Variants in FER observed in about 807,000 individuals in gnomAD.
FER encodes the protein FER tyrosine kinase.
Under a neutral mutation model 111.0 loss-of-function variants are expected in FER, and 63 were observed. That is an observed-to-expected ratio of 0.57 (90% confidence interval 0.46 to 0.70). The LOEUF (loss-of-function observed/expected upper bound fraction) is 0.70, where lower values mean the gene tolerates loss of function less well. Among genes scored for constraint, FER ranks in the 30% least tolerant of loss-of-function variants. FER has a pLI of 0.00. For missense variants in FER, 914 were observed against 954.0 expected, an observed-to-expected ratio of 0.96 and a Z score of 0.55; for synonymous variants, 327 against 313.9, an observed-to-expected ratio of 1.04 and a Z score of -0.44.
At chr5:108,879,659 G>A (rs1327897995) in intron 8 of FER, among the ~76,000 whole-genome samples, 1 of 133,448 alleles carries the variant, frequency 7.5e-6, no homozygotes, top group Non-Finnish European at 1.6e-5. Flanking sequence ...GTAAGAAAGA[G>A]TAAATACTTT....
At chr5:108,965,552 GATT>G in intron 13 of FER, among the ~76,000 whole-genome samples, 1 of 152,126 alleles carries the variant, frequency 6.6e-6, no homozygotes, top group East Asian at 1.9e-4. Flanking sequence ...CTGTGAATTT[GATT>G]ATTAATATTA....
At chr5:108,803,849 A>G (rs1169523857) in intron 3 of FER, among the ~76,000 whole-genome samples, 8 of 152,064 alleles carry the variant, frequency 5.3e-5, no homozygotes, top group Admixed American at 5.2e-4. Flanking sequence ...ATTTTATTAT[A>G]GTTTTTTCCC....
chr5:108,862,059 C>G (rs1763575734), intron 5 of FER, among the ~76,000 whole-genome samples: 1 of 152,076 alleles, frequency 6.6e-6, no homozygotes, highest in Non-Finnish European at 1.5e-5. Flanking sequence ...TGGAGTACTC[C>G]TCCCCAAAAT....
rs4365877 is a variant in FER at position 109,188,915 on chromosome 5, G to A, written c.*1340G>A. The A allele has an allele frequency of 0.52, 78,474 of 149,962 alleles. 20,432 individuals are homozygous for A. Among genetic ancestry groups the A allele is most frequent in the Middle Eastern group, 0.6 (168 of 280 alleles). 9.3% of individuals were successfully genotyped at this position (149,962 alleles called of 1,614,324 possible). ...CCAACACATTCACGTGTGTACATGC[G>A]CGTGCACACACACCACCAAGGTGCA... is the stretch of plus-strand genomic sequence containing the variant. On this transcript the variant is annotated 3_prime_UTR_variant, in exon 20 of 20. Transcript: ENST00000281092.
intron 8 of FER, among the ~76,000 whole-genome samples, chr5:108,882,798 A>G (rs1023367860): frequency 2.0e-5 from 3 of 151,828 alleles, no homozygotes; most frequent in South Asian, 2.1e-4. Flanking sequence ...TTAAGGACTC[A>G]ATGCATTTTA....
intron 13 of FER, among the ~76,000 whole-genome samples, chr5:108,961,831 CTT>C (rs1231481450): frequency 2.0e-5 from 3 of 152,066 alleles, no homozygotes; most frequent in African/African-American, 7.2e-5. Flanking sequence ...TATTTGTACT[CTT>C]ATAACTGAAT....
chr5:108,902,593 T>A (rs1457420548), intron 10 of FER, among the ~76,000 whole-genome samples: 1 of 152,198 alleles, frequency 6.6e-6, no homozygotes, highest in Non-Finnish European at 1.5e-5. Context: ...CAATTCCCTT[T>A]CAAGGAGCCT....
chr5:109,052,589 G>A (rs903883506), intron 16 of FER: 5 of 584,010 alleles, frequency 8.6e-6, no homozygotes, highest in South Asian at 2.2e-5. Context: ...TTAAAACTCC[G>A]CTGCTGTTTG....
intron 18 of FER, among the ~76,000 whole-genome samples, chr5:109,181,129 T>C (rs1365984488): frequency 6.6e-6 from 1 of 152,216 alleles, no homozygotes; most frequent in Non-Finnish European, 1.5e-5. Context: ...TAAATATGAC[T>C]ATACATCTGA....
At chr5:109,165,759 C>T (rs1756491498) in intron 17 of FER, among the ~76,000 whole-genome samples, 1 of 152,094 alleles carries the variant, frequency 6.6e-6, no homozygotes, top group Non-Finnish European at 1.5e-5. Flanking sequence ...ACATATGTAA[C>T]ATACATCCCA....
chr5:108,832,626 C>G (rs960734547), intron 3 of FER, 144 bp from the exon 4 acceptor site: 3 of 499,600 alleles, frequency 6.0e-6, no homozygotes, highest in African/African-American at 2.0e-5. Context: ...ATTCATAGAT[C>G]TTTGAACAGT....
intron 3 of FER, among the ~76,000 whole-genome samples, chr5:108,812,043 G>C (rs540721864): frequency 7.8e-4 from 119 of 152,296 alleles, no homozygotes; most frequent in African/African-American, 2.8e-3. Context: ...AGTCAGTCAA[G>C]TTGACACATA....
At chr5:108,815,963 A>C (rs1758225503) in intron 3 of FER, among the ~76,000 whole-genome samples, 1 of 152,142 alleles carries the variant, frequency 6.6e-6, no homozygotes, top group Non-Finnish European at 1.5e-5. Flanking sequence ...TTCAACATTT[A>C]AAAACTTGGT....
chr5:108,829,445 C>G (rs1180829295), intron 3 of FER, among the ~76,000 whole-genome samples: 3 of 152,148 alleles, frequency 2.0e-5, no homozygotes, highest in Non-Finnish European at 2.9e-5. Flanking sequence ...TAAGACCACC[C>G]TGAACAACAT....
At chr5:108,943,002 T>C (rs1756481560) in intron 10 of FER, among the ~76,000 whole-genome samples, 1 of 152,180 alleles carries the variant, frequency 6.6e-6, no homozygotes, top group Non-Finnish European at 1.5e-5. Context: ...CCAAGAATGT[T>C]ATTAGATTGG....
chr5:109,091,689 A>AG (rs1163093292), intron 16 of FER, among the ~76,000 whole-genome samples: 1 of 152,158 alleles, frequency 6.6e-6, no homozygotes, highest in Non-Finnish European at 1.5e-5. Flanking sequence ...CCATGAGTGT[A>AG]GGGCTACCCA....
At chr5:108,970,685 T>C (rs1269579334) in intron 13 of FER, among the ~76,000 whole-genome samples, 1 of 152,074 alleles carries the variant, frequency 6.6e-6, no homozygotes, top group East Asian at 1.9e-4. Context: ...CTGGGAATGG[T>C]TTAAAAAGGA....
At chr5:108,987,793 CT>C (rs1762741686) in intron 13 of FER, among the ~76,000 whole-genome samples, 1 of 151,618 alleles carries the variant, frequency 6.6e-6, no homozygotes, top group African/African-American at 2.4e-5. Context: ...TTTTTTTTCT[CT>C]TGTCTGATTG....
chr5:108,977,256 G>C (rs1482948984), intron 13 of FER, among the ~76,000 whole-genome samples: 4 of 152,124 alleles, frequency 2.6e-5, no homozygotes, highest in Non-Finnish European at 5.9e-5. Flanking sequence ...TGTATGGTCT[G>C]TTTGTGTATA....
Sources: allele counts gnomAD v4.1 joint callset (sites outside exome capture counted in the v4.1 genomes callset), GRCh38; gene constraint gnomAD v4.1.1; transcripts MANE v1.5; gene names NCBI Gene and HGNC (gene_info 2026-07-23, HGNC 2026-07-21).